Variants in KYNU observed in about 807,000 individuals in gnomAD.
KYNU encodes the protein kynureninase.
In KYNU, 54 loss-of-function variants were observed where a neutral mutation model predicts 59.2. The ratio of observed to expected loss-of-function variants is 0.91; its 90% CI spans 0.73 to 1.14. The LOEUF (loss-of-function observed/expected upper bound fraction) is 1.14, where lower values mean the gene tolerates loss of function less well. KYNU is among the 50% of genes most tolerant of loss of function. The probability of loss-of-function intolerance (pLI) is 0.00; values close to 1 mark genes in which losing one functional copy is unlikely to be tolerated. For synonymous variants in KYNU, 177 were observed against 192.0 expected (o/e 0.92, Z 0.65); for missense variants, 567 against 554.4 (o/e 1.02, Z -0.23).
chr2:142,965,844 T>C (rs1350744264), intron 8 of KYNU, among the ~76,000 whole-genome samples: 2 of 152,150 alleles, frequency 1.3e-5, no homozygotes, highest in Non-Finnish European at 2.9e-5. Context: ...TCCTCAATTA[T>C]ACCCTCATAG....
At chr2:142,970,645 G>A (rs1215355495) in intron 8 of KYNU, among the ~76,000 whole-genome samples, 1 of 152,184 alleles carries the variant, frequency 6.6e-6, no homozygotes, top group African/African-American at 2.4e-5. Context: ...GTTGGACTTT[G>A]TTGGGACAGT....
chr2:142,937,151 A>G (rs1683418618), intron 4 of KYNU, among the ~76,000 whole-genome samples: 2 of 152,104 alleles, frequency 1.3e-5, no homozygotes, highest in Non-Finnish European at 1.5e-5. Context: ...CAGGGTAGCT[A>G]TCTTCTGGCC....
intron 10 of KYNU, among the ~76,000 whole-genome samples, chr2:142,992,562 G>GT (rs955586113): frequency 1.5e-4 from 22 of 151,588 alleles, no homozygotes; most frequent in African/African-American, 1.9e-4. Context: ...TATTTAAGTG[G>GT]TTTTTTCATA....
At chr2:143,006,438 C>CA (rs1184177025) in intron 10 of KYNU, among the ~76,000 whole-genome samples, 1 of 150,364 alleles carries the variant, frequency 6.7e-6, no homozygotes, top group African/African-American at 2.5e-5. Context: ...GCTAGCACAG[C>CA]AGTCTGAGAT....
rs768380076 is a variant in KYNU, at chr2:142,954,859, A to G, written c.423A>G (p.Leu141=). 1.3e-6 allele frequency: 2 copies of G among 1,591,808 alleles called. No individual in the cohort carries two copies. The highest frequency in any genetic ancestry group is 4.5e-5 in the East Asian group (2 of 44,626). Residue 141 remains leucine (L), a synonymous_variant, in exon 5 of 14, where the codon TTA becomes TTG. Transcript: ENST00000264170. ...IALMNALTVN[L]HLLMLSFFKP... ...TAATGAATGCTTTGACTGTAAATTT[A>G]CATCTTCTAATGGTAAGTTTTCTTT... is the stretch of plus-strand genomic sequence containing the variant.
intron 4 of KYNU, among the ~76,000 whole-genome samples, chr2:142,939,626 A>T (rs6729435): frequency 0.012 from 1,812 of 149,856 alleles, 41 homozygotes; most frequent in African/African-American, 0.042. Flanking sequence ...AAAAAAAGAA[A>T]AAAGAAAAAG....
chr2:142,918,194 T>C (rs186258765), intron 2 of KYNU, among the ~76,000 whole-genome samples: 1 of 152,294 alleles, frequency 6.6e-6, no homozygotes, highest in Admixed American at 6.5e-5. Flanking sequence ...TTTAAAAAAA[T>C]TGCCATGTCT....
intron 1 of KYNU, among the ~76,000 whole-genome samples, chr2:142,880,111 A>G (rs1307870822): frequency 1.3e-5 from 2 of 152,196 alleles, no homozygotes; most frequent in Non-Finnish European, 2.9e-5. Flanking sequence ...ATTCTCTCGA[A>G]CTGCCACTTT....
At chr2:143,013,993 T>C (rs1482288623) in intron 10 of KYNU, among the ~76,000 whole-genome samples, 1 of 152,270 alleles carries the variant, frequency 6.6e-6, no homozygotes, top group Non-Finnish European at 1.5e-5. Context: ...CAGTCACTTC[T>C]ATACCTATCC....
chr2:142,904,020 C>A (rs919523831), intron 2 of KYNU, among the ~76,000 whole-genome samples: 1 of 152,152 alleles, frequency 6.6e-6, no homozygotes, highest in Non-Finnish European at 1.5e-5. Context: ...TTATAAAAAA[C>A]CGAGGTTGCC....
chr2:142,944,678 A>G (rs1431280815), intron 4 of KYNU, among the ~76,000 whole-genome samples: 7 of 152,230 alleles, frequency 4.6e-5, no homozygotes. Context: ...ACTTTTAAAA[A>G]AAAAAGATTG....
At position 142,885,476 on chromosome 2, in the gene KYNU, G is replaced by T; in HGVS notation, c.109G>T (p.Asp37Tyr). ...ERVALHLDEE[D>Y]KLRHFRECFY... The stretch of plus-strand genomic sequence containing the variant: ...GGTGGCTCTCCACCTAGATGAGGAA[G>T]ATAAGCTGAGGCACTTCAGGGAGTG... The change falls in exon 2 of 14, where the codon GAT becomes TAT. Residue 37 changes from aspartate (D) to tyrosine (Y), a missense_variant. Asp to Tyr is a radical substitution (Grantham distance 160). Transcript: ENST00000264170. 1 of 1,614,076 alleles carries T rather than the reference G, an allele frequency of 6.2e-7. No homozygotes were observed. Among genetic ancestry groups the T allele is most frequent in the Non-Finnish European group, 8.5e-7 (1 of 1,179,994 alleles).
At position 143,054,612 on chromosome 2, in the gene KYNU, A is replaced by G. The variant is rs1301482788; in HGVS notation, c.*12440A>G. ...TGATGAATATGAAGTAGACTGCACCACTCTGCAGTACAGTCAGGAAATAAG... is the reference window on the plus strand; with the variant it reads ...TGATGAATATGAAGTAGACTGCACCGCTCTGCAGTACAGTCAGGAAATAAG... On this transcript the variant is annotated 3_prime_UTR_variant, in exon 14 of 14. Coordinates refer to ENST00000264170, the MANE Select transcript of KYNU (RefSeq NM_003937.3). 6.6e-6 allele frequency: 1 copy of G among 152,142 alleles called. No homozygotes were observed. The highest frequency in any genetic ancestry group is 2.4e-5 in the African/African-American group (1 of 41,422). The allele number at this position is 152,142 out of a possible 1,614,324, so 9.4% of individuals were successfully genotyped here.
chr2:142,955,996 A>G (rs2105086860), intron 5 of KYNU, among the ~76,000 whole-genome samples: 1 of 152,254 alleles, frequency 6.6e-6, no homozygotes, highest in South Asian at 2.1e-4. Context: ...TGTTTCATTG[A>G]TAAGCAAATT....
rs935420017 is a variant in KYNU, at chr2:143,052,726, G to A, written c.*10554G>A. The A allele has an allele frequency of 6.6e-6, 1 of 152,314 alleles. No individual in the cohort carries two copies. The highest frequency in any genetic ancestry group is 1.5e-5 in the Non-Finnish European group (1 of 68,104). 9.4% of individuals were successfully genotyped at this position (152,314 alleles called of 1,614,324 possible). A position where few individuals can be genotyped will look rare whatever the true frequency, so the allele number is the denominator to read the frequency against. On this transcript the variant is annotated 3_prime_UTR_variant, in exon 14 of 14. Transcript: ENST00000264170. ...TTCAGAGGATGTATGGAAATGCCTG[G>A]ATGCCCAGGCAGAAGTTTGCTGCAG...
In KYNU at chr2:143,023,092, A is replaced by T. The variant is rs555128753; in HGVS notation, c.903-6535A>T. On this transcript the variant is annotated intron_variant, in intron 10 of 13. Transcript: ENST00000264170. ...TGTTTTCTTTCTAATTTTAAAATTG[A>T]TCTACAGTTTAAAGCTATGAATTGT... Among the ~76,000 whole-genome samples the T allele has an allele frequency of 3.6e-4, 54 of 151,996 alleles. 1 individual carries two copies. The highest frequency in any genetic ancestry group is 1.3e-3 in the African/African-American group (52 of 41,550).
At chr2:142,978,554 G>A (rs1684954941) in intron 8 of KYNU, among the ~76,000 whole-genome samples, 2 of 152,080 alleles carry the variant, frequency 1.3e-5, no homozygotes, top group South Asian at 4.1e-4. Flanking sequence ...AGTGGCACTG[G>A]CAAAGGCATT....
chr2:142,898,287 A>G (rs898084218), intron 2 of KYNU, among the ~76,000 whole-genome samples: 1 of 152,096 alleles, frequency 6.6e-6, no homozygotes, highest in South Asian at 2.1e-4. Context: ...AGGCCAAAAA[A>G]TTGTCATCAA....
intron 11 of KYNU, among the ~76,000 whole-genome samples, chr2:143,030,370 G>T (rs1342892146): frequency 6.6e-6 from 1 of 152,174 alleles, no homozygotes; most frequent in Non-Finnish European, 1.5e-5. Flanking sequence ...AATCACATGG[G>T]ATGCAGAAAG....
Sources: allele counts gnomAD v4.1 joint callset (sites outside exome capture counted in the v4.1 genomes callset), GRCh38; gene constraint gnomAD v4.1.1; transcripts MANE v1.5; gene names NCBI Gene and HGNC (gene_info 2026-07-23, HGNC 2026-07-21).